Variants in RBPJ observed in about 807,000 individuals in gnomAD.
RBPJ encodes recombination signal binding protein for immunoglobulin kappa J region.
RBPJ carries 9 observed loss-of-function variants against 67.8 expected under a neutral mutation model. The ratio of observed to expected loss-of-function variants is 0.13; its 90% CI spans 0.08 to 0.23. The LOEUF is 0.23. RBPJ is among the 10% of genes least tolerant of loss of function. RBPJ has a pLI of 1.00. For missense variants in RBPJ, 305 were observed against 595.6 expected (o/e 0.51, Z 5.08); for synonymous variants, 198 against 203.3 (o/e 0.97, Z 0.22).
chr4:26,109,907 A>G, the RBPJ span, among the ~76,000 whole-genome samples: 5 of 152,112 alleles, frequency 3.3e-5, no homozygotes, highest in African/African-American at 9.6e-5. Context: ...CCATTGCCCA[A>G]TCAATGTGCT....
the RBPJ span, among the ~76,000 whole-genome samples, chr4:26,116,259 G>A: frequency 2.0e-5 from 3 of 152,228 alleles, no homozygotes; most frequent in Non-Finnish European, 4.4e-5. Context: ...ACCAATTAAC[G>A]GGCAGGGATG....
intron 2 of RBPJ, among the ~76,000 whole-genome samples, chr4:26,388,123 A>C (rs1480656594): frequency 6.6e-6 from 1 of 152,174 alleles, no homozygotes; most frequent in East Asian, 1.9e-4. Context: ...AATGACACAG[A>C]TAATAGAATT....
intron 1 of RBPJ, among the ~76,000 whole-genome samples, chr4:26,232,046 C>T (rs1205682656): frequency 1.3e-5 from 2 of 151,498 alleles, no homozygotes; most frequent in African/African-American, 2.4e-5. Context: ...CATGCATCAC[C>T]ATGCTCGGCC....
chr4:26,384,624 C>T (rs1730623916), intron 1 of RBPJ: 1 of 152,140 alleles, frequency 6.6e-6, no homozygotes, highest in African/African-American at 2.4e-5. Context: ...CACATAGAAA[C>T]CACAGTTTAT....
chr4:26,304,501 T>G (rs1160220733), intron 1 of RBPJ, among the ~76,000 whole-genome samples: 1 of 152,234 alleles, frequency 6.6e-6, no homozygotes, highest in Non-Finnish European at 1.5e-5. Flanking sequence ...CTTGTCAACA[T>G]TTGTCATTAT....
chr4:26,187,007 G>A (rs557868354), intron 1 of RBPJ, among the ~76,000 whole-genome samples: 1 of 152,192 alleles, frequency 6.6e-6, no homozygotes, highest in Admixed American at 6.6e-5. Flanking sequence ...GATTGCTTGA[G>A]CCCAGGAGTT....
chr4:26,415,256 AATATTTTG>A (rs1259155818), intron 3 of RBPJ, among the ~76,000 whole-genome samples: 1 of 152,204 alleles, frequency 6.6e-6, no homozygotes, highest in African/African-American at 2.4e-5. Context: ...GCATAACTCC[AATATTTTG>A]CCTGAACAGA....
At chr4:26,125,788 G>C in the RBPJ span, among the ~76,000 whole-genome samples, 1 of 142,234 alleles carries the variant, frequency 7.0e-6, no homozygotes, top group African/African-American at 2.7e-5. Context: ...AATAGAGCAA[G>C]ACTCCATTTC....
intron 1 of RBPJ, among the ~76,000 whole-genome samples, chr4:26,188,825 T>TAA (rs1395473946): frequency 6.6e-6 from 1 of 152,216 alleles, no homozygotes; most frequent in Non-Finnish European, 1.5e-5. Flanking sequence ...ATGCATCATA[T>TAA]AAGATAGATT....
intron 1 of RBPJ, among the ~76,000 whole-genome samples, chr4:26,170,233 A>G (rs1175951987): frequency 1.3e-5 from 2 of 152,030 alleles, no homozygotes; most frequent in East Asian, 1.9e-4. Context: ...CTAAAAATAT[A>G]TATATTTTCA....
intron 1 of RBPJ, among the ~76,000 whole-genome samples, chr4:26,273,951 GA>G (rs1577378914): frequency 6.6e-6 from 1 of 152,054 alleles, no homozygotes; most frequent in African/African-American, 2.4e-5. Context: ...TGGTGTAGAG[GA>G]AAAAAAGTTT....
rs769982283 is a variant in RBPJ, at chr4:26,398,814, A to G, written c.60-7361A>G. On this transcript the variant is annotated intron_variant, in intron 2 of 10. Coordinates refer to ENST00000355476, the MANE Select transcript of RBPJ (RefSeq NM_015874.6). ...TTTTTAGTAGAGATGGGGTTTCTCT[A>G]TGTTGGCCAGGCTGGTCTTGAACTC... Among the ~76,000 whole-genome samples the G allele has an allele frequency of 7.2e-5, 11 of 151,810 alleles. 1 individual carries two copies. Among genetic ancestry groups the G allele is most frequent in the African/African-American group, 1.2e-4 (5 of 41,318 alleles).
At chr4:26,315,246 T>C (rs1306454027), upstream of RBPJ, among the ~76,000 whole-genome samples, 1 of 146,278 alleles carries the variant, frequency 6.8e-6, no homozygotes, top group African/African-American at 2.5e-5. Context: ...GAAATTTCAA[T>C]GTAAGTTCTT....
the RBPJ span, among the ~76,000 whole-genome samples, chr4:26,148,843 G>A: frequency 6.6e-6 from 1 of 152,218 alleles, no homozygotes; most frequent in South Asian, 2.1e-4. Flanking sequence ...CAAGATGCCT[G>A]CCTCCAGAGA....
chr4:26,345,434 T>G (rs886377483), intron 1 of RBPJ, among the ~76,000 whole-genome samples: 6 of 152,222 alleles, frequency 3.9e-5, no homozygotes, highest in Non-Finnish European at 8.8e-5. Context: ...TTTCCTCGTA[T>G]TGGTCCCCAA....
chr4:26,200,639 C>G (rs1717949335), intron 1 of RBPJ, among the ~76,000 whole-genome samples: 1 of 151,712 alleles, frequency 6.6e-6, no homozygotes, highest in Non-Finnish European at 1.5e-5. Context: ...TCACTGCACT[C>G]CAAAGCGAAA....
At chr4:26,157,796 T>C in the RBPJ span, among the ~76,000 whole-genome samples, 1 of 152,240 alleles carries the variant, frequency 6.6e-6, no homozygotes, top group Non-Finnish European at 1.5e-5. Context: ...CTTGCTTCCC[T>C]GAGACCACAA....
chr4:26,124,775 C>T, the RBPJ span, among the ~76,000 whole-genome samples: 1 of 152,036 alleles, frequency 6.6e-6, no homozygotes, highest in African/African-American at 2.4e-5. Context: ...CATAATAGGT[C>T]TGTTTACATC....
intron 1 of RBPJ, among the ~76,000 whole-genome samples, chr4:26,200,671 G>GA (rs5856934): frequency 0.27 from 40,797 of 149,572 alleles, 5,688 homozygotes; most frequent in Admixed American, 0.35. Context: ...AAAAAAAAAA[G>GA]AAAAAAAAAC....
Sources: gnomAD v4.1 joint callset for allele counts (sites outside exome capture counted in the v4.1 genomes callset) on GRCh38, gnomAD v4.1.1 for gene constraint, MANE v1.5 for transcripts, NCBI Gene and HGNC (gene_info 2026-07-23, HGNC 2026-07-21) for gene names.